The following ANKFN1 variants were observed in gnomAD, a reference collection of about 807,000 sequenced individuals.
The protein encoded by ANKFN1 is ankyrin repeat and fibronectin type III domain containing 1.
In ANKFN1, 74 loss-of-function variants were observed where a neutral mutation model predicts 108.7. That is an observed-to-expected ratio of 0.68 (90% CI 0.56 to 0.83). The LOEUF (loss-of-function observed/expected upper bound fraction) is 0.83. ANKFN1 is among the 40% of genes least tolerant of loss of function. The pLI, the probability that ANKFN1 is intolerant of heterozygous loss-of-function variation, is 0.00. For synonymous variants in ANKFN1, 547 were observed against 516.2 expected (o/e 1.06, Z -0.81); for missense variants, 1,505 against 1,382.3 (o/e 1.09, Z -1.41).
At chr17:56,395,571 G>A (rs563973919) in intron 8 of ANKFN1, among the ~76,000 whole-genome samples, 10 of 152,262 alleles carry the variant, frequency 6.6e-5, no homozygotes, top group East Asian at 1.9e-4. Flanking sequence ...ATTGTAGGCC[G>A]GGTGCCATGG....
intron 8 of ANKFN1, among the ~76,000 whole-genome samples, chr17:56,410,499 A>G (rs2048060379): frequency 6.6e-6 from 1 of 152,232 alleles, no homozygotes; most frequent in Non-Finnish European, 1.5e-5. Flanking sequence ...GCTAATTAAC[A>G]TATCCATCAC....
At chr17:56,392,121 C>T (rs1459033078) in intron 8 of ANKFN1, among the ~76,000 whole-genome samples, 1 of 152,124 alleles carries the variant, frequency 6.6e-6, no homozygotes, top group Admixed American at 6.5e-5. Flanking sequence ...ACTTAATTCT[C>T]ACAGCGTATC....
chr17:56,342,854 G>A (rs766187510), intron 4 of ANKFN1, among the ~76,000 whole-genome samples: 15 of 152,050 alleles, frequency 9.9e-5, no homozygotes, highest in Admixed American at 4.6e-4. Context: ...TTAATTTTCT[G>A]TCTTGGTGAT....
intron 4 of ANKFN1, among the ~76,000 whole-genome samples, chr17:56,098,090 A>G (rs1224138469): frequency 6.6e-6 from 1 of 152,154 alleles, no homozygotes; most frequent in East Asian, 1.9e-4. Flanking sequence ...GGAGGAGGCA[A>G]TATAACCATA....
chr17:56,424,860 C>A (rs1488147534), intron 8 of ANKFN1, among the ~76,000 whole-genome samples: 1 of 152,040 alleles, frequency 6.6e-6, no homozygotes, highest in African/African-American at 2.4e-5. Context: ...AAAGCATCCC[C>A]AAAAAAACCT....
At chr17:56,421,177 T>C (rs538624440) in intron 8 of ANKFN1, among the ~76,000 whole-genome samples, 2 of 152,320 alleles carry the variant, frequency 1.3e-5, no homozygotes, top group South Asian at 4.1e-4. Context: ...TTAGAAGTGT[T>C]TTCCTCTGTG....
At chr17:56,402,664 ATTTTTGTT>A (rs930588181) in intron 8 of ANKFN1, among the ~76,000 whole-genome samples, 3 of 149,648 alleles carry the variant, frequency 2.0e-5, no homozygotes, top group Admixed American at 1.3e-4. Flanking sequence ...TATGTTTTGT[ATTTTTGTT>A]TGTTTGTTTG....
chr17:56,261,480 ACACAAT>A (rs745613720), intron 3 of ANKFN1, among the ~76,000 whole-genome samples: 2 of 150,222 alleles, frequency 1.3e-5, no homozygotes, highest in Non-Finnish European at 3.0e-5. Context: ...GTATTGTCTC[ACACAAT>A]CACAAGGTGA....
chr17:56,179,936 A>G (rs950584616), intron 1 of ANKFN1, among the ~76,000 whole-genome samples: 8 of 152,198 alleles, frequency 5.3e-5, no homozygotes, highest in African/African-American at 1.9e-4. Flanking sequence ...AAACCAGTAG[A>G]TTGAGCTCAT....
At chr17:56,510,293 C>T in intron 20 of ANKFN1, among the ~76,000 whole-genome samples, 180 bp from the exon 21 acceptor site, 1 of 152,156 alleles carries the variant, frequency 6.6e-6, no homozygotes, top group South Asian at 2.1e-4. Flanking sequence ...GGGTCCTGTG[C>T]AAAATGAAAA....
chr17:56,482,642 G>A, intron 18 of ANKFN1, 118 bp downstream of exon 18: 2 of 1,245,492 alleles, frequency 1.6e-6, no homozygotes, highest in Non-Finnish European at 2.2e-6. Flanking sequence ...GATGGCTTTG[G>A]CAACAACCCT....
intron 4 of ANKFN1, among the ~76,000 whole-genome samples, chr17:56,064,143 C>A (rs1206532469): frequency 2.0e-5 from 3 of 152,182 alleles, no homozygotes; most frequent in Non-Finnish European, 2.9e-5. Context: ...TCTGACCAAC[C>A]TGATGCCAGT....
At chr17:56,415,387 C>T (rs953307969) in intron 8 of ANKFN1, among the ~76,000 whole-genome samples, 6 of 152,110 alleles carry the variant, frequency 3.9e-5, no homozygotes, top group African/African-American at 1.2e-4. Context: ...ACCAAATCAA[C>T]GTACAAAAAT....
Position 56,212,142 on chromosome 17 carries a change from T to C in ANKFN1, c.-70-456T>C, listed in dbSNP as rs374406614. On this transcript the variant is annotated intron_variant, in intron 1 of 20. Coordinates refer to ENST00000682825, the MANE Select transcript of ANKFN1 (RefSeq NM_001370326.1). Reference sequence around the variant, plus strand: ...CAGTTCTCGGGGGAATGCTTTCAATTTTTCCCCATTTAGTATAATATTGGC... The same window carrying C: ...CAGTTCTCGGGGGAATGCTTTCAATCTTTCCCCATTTAGTATAATATTGGC... Among the ~76,000 whole-genome samples, 3 of 151,918 alleles carry C rather than the reference T, an allele frequency of 2.0e-5. No homozygotes were observed. In the East Asian group the frequency reaches 5.8e-4, roughly 29 times the overall value.
chr17:56,314,342 T>A (rs1355853009), intron 3 of ANKFN1, among the ~76,000 whole-genome samples: 1 of 152,174 alleles, frequency 6.6e-6, no homozygotes, highest in Non-Finnish European at 1.5e-5. Context: ...TGTAAAAGAC[T>A]GTCAAACAGT....
intron 19 of ANKFN1, 132 bp downstream of exon 19, chr17:56,492,485 T>C: frequency 1.8e-6 from 1 of 558,494 alleles, no homozygotes; most frequent in Non-Finnish European, 3.2e-6. Flanking sequence ...GCCTATTGAG[T>C]TGGTTAAAAT....
At chr17:56,135,856 ACTAAT>A (rs768474113) in intron 4 of ANKFN1, among the ~76,000 whole-genome samples, 2 of 152,214 alleles carry the variant, frequency 1.3e-5, no homozygotes, top group Non-Finnish European at 2.9e-5. Flanking sequence ...AAAGTAAAAA[ACTAAT>A]CCAGGAAGTA....
intron 19 of ANKFN1, among the ~76,000 whole-genome samples, chr17:56,495,313 G>GTCTCTCTCTCTCTCTCTCTCTC (rs150627971): frequency 1.1e-4 from 16 of 147,462 alleles, no homozygotes; most frequent in Non-Finnish European, 2.1e-4. Context: ...TGACTTTGTG[G>GTCTCTCTCTCTCTCTCTCTCTC]TCTCTCTCTC....
intron 15 of ANKFN1, chr17:56,471,379 C>G (rs146722420): frequency 4.6e-5 from 7 of 152,052 alleles, no homozygotes; most frequent in African/African-American, 1.4e-4. Context: ...CTTATCACCT[C>G]TAGGTATTCA....
Sources: allele counts gnomAD v4.1 joint callset (sites outside exome capture counted in the v4.1 genomes callset), GRCh38; gene constraint gnomAD v4.1.1; transcripts MANE v1.5; gene names NCBI Gene and HGNC (gene_info 2026-07-23, HGNC 2026-07-21).